The following ATP6V1B1 variants were observed in gnomAD, a reference collection of about 807,000 sequenced individuals.
The protein encoded by ATP6V1B1 is ATPase H+ transporting V1 subunit B1.
Under a neutral mutation model 62.1 loss-of-function variants are expected in ATP6V1B1, and 41 were observed. The observed-to-expected ratio is 0.66, with a 90% CI of 0.51 to 0.86. ATP6V1B1 has a LOEUF of 0.86. ATP6V1B1 is among the 40% of genes least tolerant of loss of function. The pLI is 0.00. For synonymous variants in ATP6V1B1, 253 were observed against 273.4 expected, an observed-to-expected ratio of 0.93 and a Z score of 0.74; for missense variants, 651 against 697.5, an observed-to-expected ratio of 0.93 and a Z score of 0.75.
chr2:70,941,872 G>C (rs1212730551), intron 1 of ATP6V1B1: 1 of 986,374 alleles, frequency 1.0e-6, no homozygotes, highest in Non-Finnish European at 1.2e-6. Context: ...AGCTTCCAAA[G>C]GACAGTGCAC....
chr2:70,963,226 T>C lies in ATP6V1B1; in HGVS notation c.974T>C (p.Leu325Pro). 2 of 1,614,088 alleles carry C rather than the reference T, an allele frequency of 1.2e-6. No homozygotes were observed. The highest frequency in any genetic ancestry group is 1.7e-6 in the Non-Finnish European group (2 of 1,179,998). Reference protein sequence around the residue: ...RGFPGYMYTDLATIYERAGRV... With the variant: ...RGFPGYMYTDPATIYERAGRV... The stretch of plus-strand genomic sequence containing the variant: ...TTTCCTGGATATATGTACACAGACC[T>C]GGCCACCATCTACGAGCGGGCGGGC... The change falls in exon 10 of 14, where the codon CTG (leucine) becomes CCG (proline). Residue 325 changes from leucine (L) to proline (P), a missense_variant. Physicochemically the swap from Leu to Pro is moderately conservative, Grantham distance 98. Coordinates refer to ENST00000234396, the MANE Select transcript of ATP6V1B1 (RefSeq NM_001692.4). The surrounding 1 kb of genome is among the most constrained non-coding windows in gnomAD (Gnocchi z 4.3).
chr2:70,945,723 T>TAG (rs1387753205), intron 2 of ATP6V1B1, among the ~76,000 whole-genome samples: 13 of 137,244 alleles, frequency 9.5e-5, no homozygotes, highest in Admixed American at 8.8e-4. Flanking sequence ...TATATATATA[T>TAG]ATATATATAT....
chr2:70,953,609 G>A (rs1404247664), intron 2 of ATP6V1B1, among the ~76,000 whole-genome samples: 2 of 152,052 alleles, frequency 1.3e-5, no homozygotes, highest in African/African-American at 2.4e-5. Flanking sequence ...TTGCTAGATT[G>A]GGTTAATATT....
In ATP6V1B1 at chr2:70,957,905, A is replaced by C. The variant is rs556407201; in HGVS notation, c.175-141A>C. The C allele has an allele frequency of 1.6e-5, 13 of 811,220 alleles. No individual in the cohort carries two copies. The African/African-American group carries it at 2.0e-4, about 13-fold the overall frequency. 50.3% of individuals were successfully genotyped at this position (811,220 alleles called of 1,614,324 possible). On this transcript the variant is annotated intron_variant, in intron 2 of 13. Coordinates refer to ENST00000234396, the MANE Select transcript of ATP6V1B1 (RefSeq NM_001692.4). ...AACAGAATTCAAACTTTCACTTCCC[A>C]GCCCCTTGAGTTCATTTCCACAAGT...
rs543372798 is a variant in ATP6V1B1, at chr2:70,958,885, G to T, written c.368-133G>T. ...TAGCTGGCTCTCTGGGTTACCTGTG[G>T]GCTGCCGGGGAGGGGGATACAGGGC... On this transcript the variant is annotated intron_variant, in intron 4 of 13. Coordinates refer to ENST00000234396, the MANE Select transcript of ATP6V1B1 (RefSeq NM_001692.4). The T allele has an allele frequency of 6.0e-6, 5 of 838,202 alleles. No individual in the cohort carries two copies. In the East Asian group the frequency reaches 1.3e-4, roughly 22 times the overall value. 51.9% of individuals were successfully genotyped at this position (838,202 alleles called of 1,614,324 possible).
chr2:70,942,599 A>G (rs2104803017), intron 1 of ATP6V1B1, among the ~76,000 whole-genome samples: 1 of 152,332 alleles, frequency 6.6e-6, no homozygotes, highest in Middle Eastern at 3.4e-3. Flanking sequence ...GTCCAGCAAG[A>G]AGCACAGGGT....
intron 2 of ATP6V1B1, among the ~76,000 whole-genome samples, chr2:70,950,979 G>A (rs1261001910): frequency 1.7e-4 from 13 of 77,252 alleles, no homozygotes; most frequent in African/African-American, 5.5e-4. Context: ...TTTCACTCTT[G>A]TTGCCCAGGC....
Position 70,938,725 on chromosome 2 carries a change from C to T in ATP6V1B1, c.118+2653C>T, listed in dbSNP as rs193073085. On this transcript the variant is annotated intron_variant, in intron 1 of 13. Transcript: ENST00000234396. ...GGAGCTAGAATGGTTCCCCAAGGGC[C>T]TTGGCTCCCGGCTGGGGAGGAGGTA... is the stretch of plus-strand genomic sequence containing the variant. 4.3e-5 allele frequency: 42 copies of T among 985,406 alleles called. No individual in the cohort carries two copies. In the East Asian group the frequency reaches 4.8e-3, roughly 112 times the overall value. 61.0% of individuals were successfully genotyped at this position (985,406 alleles called of 1,614,324 possible).
At chr2:70,948,111 T>G (rs1553417685) in intron 2 of ATP6V1B1, 1 of 152,266 alleles carries the variant, frequency 6.6e-6, no homozygotes, top group African/African-American at 2.4e-5. Flanking sequence ...TGACCACAAT[T>G]TCTGCCATTT....
chr2:70,947,927 C>T (rs1387497759), intron 2 of ATP6V1B1, among the ~76,000 whole-genome samples: 5 of 152,164 alleles, frequency 3.3e-5, no homozygotes, highest in Admixed American at 3.3e-4. Flanking sequence ...CTAGCTATCC[C>T]CCACGGGAAT....
At chr2:70,943,267 C>A in intron 1 of ATP6V1B1, 1 of 412,480 alleles carries the variant, frequency 2.4e-6, no homozygotes, top group Non-Finnish European at 4.6e-6. Flanking sequence ...CAGAGGAGGG[C>A]ACTTTTCGGC....
At chr2:70,952,923 T>C (rs1680353733) in intron 2 of ATP6V1B1, among the ~76,000 whole-genome samples, 2 of 152,218 alleles carry the variant, frequency 1.3e-5, no homozygotes, top group African/African-American at 4.8e-5. Context: ...TTAAACGGAA[T>C]GCTTTATGCA....
Position 70,936,105 on chromosome 2 carries a change from C to T in ATP6V1B1, c.118+33C>T, listed in dbSNP as rs546560498. On this transcript the variant is annotated intron_variant, in intron 1 of 13. Transcript: ENST00000234396. ...GCCCCTCCACCGTGACGGGTGAGGT[C>T]AGGGTGGGGAGCTGGGGTGGGCTGC... 3.1e-6 allele frequency: 5 copies of T among 1,606,016 alleles called. No homozygotes were observed. In the Admixed American group the frequency reaches 8.3e-5, roughly 27 times the overall value.
chr2:70,952,808 T>C (rs1680350777), intron 2 of ATP6V1B1, among the ~76,000 whole-genome samples: 2 of 152,250 alleles, frequency 1.3e-5, no homozygotes, highest in African/African-American at 4.8e-5. Flanking sequence ...TTGGTAGTTG[T>C]TTCCTTCTAA....
chr2:70,957,361 A>G (rs949251400), intron 2 of ATP6V1B1, among the ~76,000 whole-genome samples: 1 of 151,826 alleles, frequency 6.6e-6, no homozygotes, highest in Admixed American at 6.6e-5. Flanking sequence ...CGGCCTCCCA[A>G]ATTGCTGGGA....
Position 70,963,414 on chromosome 2 carries a change from C to T in ATP6V1B1, c.1060+102C>T, listed in dbSNP as rs1424611816. The T allele has an allele frequency of 3.2e-6, 5 of 1,577,662 alleles. No homozygotes were observed. The highest frequency in any genetic ancestry group is 3.5e-6 in the Non-Finnish European group (4 of 1,149,454). ...GTTGCTTTGCACAGATGTGCAGCAG[C>T]GCTTTTCCTCCATCGAGATAGACAC... On this transcript the variant is annotated intron_variant, in intron 10 of 13. Coordinates refer to ENST00000234396, the MANE Select transcript of ATP6V1B1 (RefSeq NM_001692.4). This position sits in a 1 kb window ranked among gnomAD's most constrained non-coding sequence, Gnocchi z 4.3.
At position 70,963,355 on chromosome 2, in the gene ATP6V1B1, C is replaced by G. The variant is rs902252908; in HGVS notation, c.1060+43C>G. The G allele has an allele frequency of 1.9e-5, 31 of 1,612,060 alleles. No individual in the cohort carries two copies. Among genetic ancestry groups the G allele is most frequent in the East Asian group, 1.6e-4 (7 of 44,884 alleles). On this transcript the variant is annotated intron_variant, in intron 10 of 13. Transcript: ENST00000234396. The surrounding 1 kb of genome is among the most constrained non-coding windows in gnomAD (Gnocchi z 4.3). ...CACTACCCTCCAGAGCTCCCCTGTC[C>G]TCCCTTTTCCAACCAGATACTTAAA... is the stretch of plus-strand genomic sequence containing the variant.
chr2:70,943,373 G>T, intron 1 of ATP6V1B1: 1 of 586,636 alleles, frequency 1.7e-6, no homozygotes, highest in East Asian at 2.9e-5. Flanking sequence ...AGCAGCCTCA[G>T]GGATGAGAGG....
intron 8 of ATP6V1B1, among the ~76,000 whole-genome samples, chr2:70,962,266 C>A (rs971742487): frequency 1.3e-5 from 2 of 152,056 alleles, no homozygotes; most frequent in Admixed American, 6.5e-5. Flanking sequence ...AGCATAGGGA[C>A]GAGCACATTA....
Sources: allele counts gnomAD v4.1 joint callset (sites outside exome capture counted in the v4.1 genomes callset), GRCh38; gene constraint gnomAD v4.1.1; non-coding constraint Gnocchi (gnomAD v3.1); transcripts MANE v1.5; gene names NCBI Gene and HGNC (gene_info 2026-07-23, HGNC 2026-07-21).